KCTD16: variants seen among roughly 807,000 people sequenced by gnomAD.
KCTD16 encodes BTB/POZ domain-containing protein KCTD16.
A neutral mutation model predicts 33.2 loss-of-function variants in KCTD16; 13 were observed. The ratio of observed to expected loss-of-function variants is 0.39; its 90% CI spans 0.25 to 0.62. The LOEUF is 0.62. Ranked by LOEUF, KCTD16 falls within the 20% of genes least tolerant of loss-of-function variation. The pLI, the probability that KCTD16 is intolerant of heterozygous loss-of-function variation, is 0.50. For missense variants in KCTD16, 441 were observed against 525.1 expected, an observed-to-expected ratio of 0.84 and a Z score of 1.57; for synonymous variants, 197 against 195.3, an observed-to-expected ratio of 1.01 and a Z score of -0.07.
chr5:144,337,644 C>A (rs1752524175), intron 3 of KCTD16, among the ~76,000 whole-genome samples: 1 of 151,870 alleles, frequency 6.6e-6, no homozygotes, highest in Non-Finnish European at 1.5e-5. Context: ...ATATTAACCA[C>A]TTATATGCAA....
At chr5:144,204,998 G>C (rs916883934) in intron 2 of KCTD16, among the ~76,000 whole-genome samples, 7 of 151,956 alleles carry the variant, frequency 4.6e-5, no homozygotes, top group African/African-American at 1.7e-4. Flanking sequence ...GAACGAGGAG[G>C]GGGGAGGGGG....
intron 3 of KCTD16, among the ~76,000 whole-genome samples, chr5:144,401,149 C>G (rs1040552336): frequency 6.6e-6 from 1 of 152,144 alleles, no homozygotes; most frequent in African/African-American, 2.4e-5. Context: ...AGCTCTGATA[C>G]GTGTGCTGAC....
At chr5:144,265,038 A>T (rs1225776966) in intron 3 of KCTD16, among the ~76,000 whole-genome samples, 1 of 152,176 alleles carries the variant, frequency 6.6e-6, no homozygotes, top group African/African-American at 2.4e-5. Context: ...GCTGTTAGCA[A>T]TCTTAACTCT....
At chr5:144,448,243 T>A (rs1049453861) in intron 3 of KCTD16, among the ~76,000 whole-genome samples, 9 of 152,104 alleles carry the variant, frequency 5.9e-5, no homozygotes, top group Non-Finnish European at 1.3e-4. Context: ...AGGTAGAAGA[T>A]CTAAAGATTA....
chr5:144,333,275 G>T (rs535227633), intron 3 of KCTD16, among the ~76,000 whole-genome samples: 1 of 152,282 alleles, frequency 6.6e-6, no homozygotes, highest in Admixed American at 6.5e-5. Flanking sequence ...CTATAGCATT[G>T]TAATCACTGA....
At position 144,466,594 on chromosome 5, in the gene KCTD16, T is replaced by C. The variant is rs1477977525; in HGVS notation, c.833-7066T>C. 2.0e-5 allele frequency among the ~76,000 whole-genome samples: 3 copies of C among 152,130 alleles called. No individual in the cohort carries two copies. The East Asian group carries it at 5.8e-4, about 29-fold the overall frequency. On this transcript the variant is annotated intron_variant, in intron 3 of 3. Coordinates refer to ENST00000512467, the MANE Select transcript of KCTD16 (RefSeq NM_020768.4). ...AAACTCTTTCACTCTGTTAATACTT[T>C]TAAATATCCCTCATAGAAAATTTTC...
chr5:144,299,110 A>C (rs533730110), intron 3 of KCTD16, among the ~76,000 whole-genome samples: 7 of 11,456 alleles, frequency 6.1e-4, no homozygotes, highest in African/African-American at 4.9e-3. Flanking sequence ...ATATATATAT[A>C]TATATATATA....
At chr5:144,389,602 A>G (rs1752405647) in intron 3 of KCTD16, among the ~76,000 whole-genome samples, 2 of 152,106 alleles carry the variant, frequency 1.3e-5, no homozygotes, top group Non-Finnish European at 2.9e-5. Context: ...TGTAATAATA[A>G]TAGAAATAAG....
At chr5:144,362,660 G>T (rs1378119074) in intron 3 of KCTD16, among the ~76,000 whole-genome samples, 1 of 152,158 alleles carries the variant, frequency 6.6e-6, no homozygotes, top group Non-Finnish European at 1.5e-5. Flanking sequence ...AAAATGATGT[G>T]TGAAAATCAC....
chr5:144,267,428 G>T (rs949056442), intron 3 of KCTD16, among the ~76,000 whole-genome samples: 4 of 152,182 alleles, frequency 2.6e-5, no homozygotes, highest in African/African-American at 9.7e-5. Flanking sequence ...AATGCTGGTT[G>T]TTCTTAATTA....
rs895690612 is a variant in KCTD16, at chr5:144,478,565, A to G, written c.*4451A>G. The G allele has an allele frequency of 1.3e-5, 2 of 152,054 alleles. No homozygotes were observed. Among genetic ancestry groups the G allele is most frequent in the Admixed American group, 6.6e-5 (1 of 15,244 alleles). 9.4% of individuals were successfully genotyped at this position (152,054 alleles called of 1,614,324 possible). On this transcript the variant is annotated 3_prime_UTR_variant, in exon 4 of 4. Transcript: ENST00000512467. ...GTAAAAATGCAGATTCCTTCAACCT[A>G]ACTTCAAAGAGTCTGATTCAGAAAC... is the stretch of plus-strand genomic sequence containing the variant.
chr5:144,355,825 T>C (rs1021080642), intron 3 of KCTD16, among the ~76,000 whole-genome samples: 1 of 152,182 alleles, frequency 6.6e-6, no homozygotes, highest in Admixed American at 6.6e-5. Flanking sequence ...ATTTGTTCTA[T>C]CTACTCCCCT....
intron 3 of KCTD16, among the ~76,000 whole-genome samples, chr5:144,451,135 A>C (rs758319993): frequency 2.6e-5 from 4 of 152,026 alleles, no homozygotes; most frequent in Non-Finnish European, 5.9e-5. Context: ...GAATTTTTAG[A>C]ATCTATTACC....
intron 3 of KCTD16, among the ~76,000 whole-genome samples, chr5:144,350,006 G>GCA (rs1439120550): frequency 2.0e-5 from 3 of 152,110 alleles, no homozygotes; most frequent in Non-Finnish European, 4.4e-5. Context: ...GCCAAATTCT[G>GCA]CACATTTTAT....
intron 3 of KCTD16, among the ~76,000 whole-genome samples, chr5:144,371,628 C>T (rs1751968718): frequency 6.6e-6 from 1 of 152,062 alleles, no homozygotes; most frequent in Admixed American, 6.6e-5. Context: ...TAATGAATGC[C>T]ATTGCAATTG....
chr5:144,346,939 T>C (rs572336412), intron 3 of KCTD16, among the ~76,000 whole-genome samples: 67 of 152,332 alleles, frequency 4.4e-4, no homozygotes, highest in African/African-American at 1.5e-3. Context: ...CAGACCCAAG[T>C]CCTGGAGATT....
chr5:144,340,839 C>T (rs1181771445), intron 3 of KCTD16, among the ~76,000 whole-genome samples: 1 of 151,936 alleles, frequency 6.6e-6, no homozygotes. Context: ...CACCTGAGGT[C>T]AAGAGTTCGA....
intron 3 of KCTD16, among the ~76,000 whole-genome samples, chr5:144,436,136 A>G (rs997323572): frequency 2.0e-5 from 3 of 152,308 alleles, no homozygotes. Flanking sequence ...TACAAGGTGG[A>G]AGCTGTCCAA....
chr5:144,467,041 TAA>T (rs1754355970), intron 3 of KCTD16, among the ~76,000 whole-genome samples: 1 of 59,860 alleles, frequency 1.7e-5, no homozygotes. Flanking sequence ...ATATTATATA[TAA>T]TATATATAAC....
Sources: allele counts gnomAD v4.1 joint callset (sites outside exome capture counted in the v4.1 genomes callset), GRCh38; gene constraint gnomAD v4.1.1; transcripts MANE v1.5; gene names NCBI Gene and HGNC (gene_info 2026-07-23, HGNC 2026-07-21).